The following ARMC1 variants were observed in gnomAD, a reference collection of about 807,000 sequenced individuals.
ARMC1 encodes the protein armadillo repeat containing 1, also known as armadillo repeat-containing protein 1.
ARMC1 carries 16 observed loss-of-function variants against 31.4 expected under a neutral mutation model. The ratio of observed to expected loss-of-function variants is 0.51; its 90% CI spans 0.34 to 0.77. The LOEUF is 0.77. Among genes scored for constraint, ARMC1 ranks in the 30% least tolerant of loss-of-function variants. The pLI is 0.01. For missense variants in ARMC1, 259 were observed against 347.5 expected (o/e 0.75, Z 2.02); for synonymous variants, 114 against 118.9 (o/e 0.96, Z 0.27).
intron 1 of ARMC1, chr8:65,632,844 T>C (rs977185874): frequency 3.9e-5 from 6 of 151,918 alleles, no homozygotes; most frequent in African/African-American, 1.5e-4. Context: ...AAATAAAAAA[T>C]AAAGACCATA....
intron 1 of ARMC1, among the ~76,000 whole-genome samples, chr8:65,629,204 C>T (rs975846609): frequency 7.3e-5 from 11 of 150,440 alleles, no homozygotes; most frequent in Admixed American, 6.0e-4. Flanking sequence ...TACACAATGA[C>T]ACAAATGGAA....
intron 3 of ARMC1, among the ~76,000 whole-genome samples, chr8:65,618,100 G>C (rs542646095): frequency 6.6e-6 from 1 of 152,094 alleles, no homozygotes; most frequent in Non-Finnish European, 1.5e-5. Context: ...ATTTTTAGCA[G>C]AGATGGGGTT....
chr8:65,612,573 C>A (rs1026734434), intron 4 of ARMC1, among the ~76,000 whole-genome samples: 20 of 151,952 alleles, frequency 1.3e-4, no homozygotes, highest in Non-Finnish European at 2.8e-4. Context: ...GCTCAAAGAA[C>A]ATGCTTTGGG....
At chr8:65,617,322 C>T (rs976424972) in intron 3 of ARMC1, among the ~76,000 whole-genome samples, 2 of 152,142 alleles carry the variant, frequency 1.3e-5, no homozygotes, top group Admixed American at 1.3e-4. Context: ...GACCTTACCC[C>T]CAACCTGGTG....
rs572145074 is a variant in ARMC1 at position 65,625,437 on chromosome 8, A to G, written c.183+1779T>C. 8.5e-5 allele frequency among the ~76,000 whole-genome samples: 13 copies of G among 152,238 alleles called. No individual in the cohort carries two copies. The East Asian group carries it at 2.1e-3, about 25-fold the overall frequency. ...CTCAACACTGCTGAACAACTTTATC[A>G]TTCTCCTCAGTTAGCAAATCTTTCC... is the stretch of plus-strand genomic sequence containing the variant. On this transcript the variant is annotated intron_variant, in intron 2 of 6. Transcript: ENST00000276569.
At chr8:65,611,864 C>G (rs1032626468) in intron 4 of ARMC1, among the ~76,000 whole-genome samples, 2 of 151,806 alleles carry the variant, frequency 1.3e-5, no homozygotes, top group Admixed American at 1.3e-4. Context: ...ACCTCCACCT[C>G]CTGGGTTCAA....
At chr8:65,613,491 A>G in intron 3 of ARMC1, 58 bp from the exon 4 acceptor site, 1 of 1,240,350 alleles carries the variant, frequency 8.1e-7, no homozygotes, top group Admixed American at 2.6e-5. Context: ...CTGTAATTTT[A>G]TTTCTCCACT....
Position 65,613,395 on chromosome 8 carries a change from T to A in ARMC1, c.314A>T (p.Glu105Val), listed in dbSNP as rs1169678057. ...GGAGGACTGAAGAATGTCATAGATTTCAGAGGCCAGAAGTTTTGTTTCTCC... is the reference window on the plus strand; with the variant it reads ...GGAGGACTGAAGAATGTCATAGATTACAGAGGCCAGAAGTTTTGTTTCTCC... Reference protein sequence around the residue: ...TPGETKLLASEIYDILQSSNM... With the variant: ...TPGETKLLASVIYDILQSSNM... The change falls in exon 4 of 7, where the codon GAA (glutamate) becomes GTA (valine). Residue 105 changes from glutamate (E) to valine (V), a missense_variant. Coordinates refer to ENST00000276569, the MANE Select transcript of ARMC1 (RefSeq NM_018120.6). The A allele has an allele frequency of 8.1e-6, 13 of 1,605,226 alleles. No individual in the cohort carries two copies. The highest frequency in any genetic ancestry group is 1.0e-5 in the Non-Finnish European group (12 of 1,176,764).
At chr8:65,629,150 A>G (rs796314744) in intron 1 of ARMC1, among the ~76,000 whole-genome samples, 8 of 150,020 alleles carry the variant, frequency 5.3e-5, no homozygotes, top group African/African-American at 1.7e-4. Flanking sequence ...GCGAGACTCC[A>G]TCTCAAAAAA....
intron 3 of ARMC1, among the ~76,000 whole-genome samples, chr8:65,617,177 GA>G (rs560718380): frequency 5.9e-4 from 90 of 152,378 alleles, no homozygotes; most frequent in African/African-American, 2.0e-3. Flanking sequence ...TTGTCGAATA[GA>G]AAAGGGGGAA....
intron 2 of ARMC1, among the ~76,000 whole-genome samples, chr8:65,624,391 A>G (rs1301189002): frequency 6.6e-6 from 1 of 150,962 alleles, no homozygotes; most frequent in Non-Finnish European, 1.5e-5. Flanking sequence ...CTCAGCTGCT[A>G]GGGAGGCTGA....
chr8:65,631,383 T>C (rs1563422421), intron 1 of ARMC1, among the ~76,000 whole-genome samples: 1 of 152,180 alleles, frequency 6.6e-6, no homozygotes, highest in Non-Finnish European at 1.5e-5. Context: ...TACAGGTGCC[T>C]GCCACCATGC....
chr8:65,613,712 A>T (rs11996845), intron 3 of ARMC1, among the ~76,000 whole-genome samples: 132,277 of 152,268 alleles, frequency 0.87, 57,932 homozygotes, highest in African/African-American at 0.97. Flanking sequence ...ATGCCTGTAA[A>T]CCCAGCACTT....
intron 3 of ARMC1, among the ~76,000 whole-genome samples, chr8:65,617,079 G>C (rs1321458478): frequency 1.3e-5 from 2 of 152,072 alleles, no homozygotes; most frequent in African/African-American, 4.8e-5. Flanking sequence ...CTTCTGGGAA[G>C]TGAGGAGCCC....
intron 1 of ARMC1, chr8:65,633,682 G>A (rs1482378361): frequency 6.6e-6 from 1 of 152,242 alleles, no homozygotes; most frequent in Admixed American, 6.5e-5. Context: ...GAGACACGCA[G>A]GTGCACAAAA....
intron 3 of ARMC1, among the ~76,000 whole-genome samples, chr8:65,614,501 CTCT>C (rs1249972292): frequency 2.0e-5 from 3 of 152,160 alleles, no homozygotes; most frequent in African/African-American, 4.8e-5. Flanking sequence ...AGTCTAATGG[CTCT>C]TATTAGTGGA....
intron 3 of ARMC1, among the ~76,000 whole-genome samples, chr8:65,618,463 A>G (rs1808323271): frequency 1.4e-5 from 2 of 147,278 alleles, no homozygotes; most frequent in Admixed American, 6.9e-5. Context: ...CAGAGCTTGC[A>G]GTGAGCCAAG....
chr8:65,621,810 G>A (rs1431816391), intron 3 of ARMC1, among the ~76,000 whole-genome samples: 4 of 152,102 alleles, frequency 2.6e-5, no homozygotes, highest in Non-Finnish European at 5.9e-5. Context: ...TGCCCAGCAT[G>A]TATGAAATAT....
rs191348118 is a variant in ARMC1, at chr8:65,603,328, G to A, written c.*1066C>T. ...TGCTGGCTTTATTTCTTCATAAGCA[G>A]TAATTTGGGTCTTTTTCATTCAACA... is the stretch of plus-strand genomic sequence containing the variant. On this transcript the variant is annotated 3_prime_UTR_variant, in exon 7 of 7. Coordinates refer to ENST00000276569, the MANE Select transcript of ARMC1 (RefSeq NM_018120.6). The A allele has an allele frequency of 1.3e-5, 2 of 152,268 alleles. No individual in the cohort carries two copies. Among genetic ancestry groups the A allele is most frequent in the African/African-American group, 4.8e-5 (2 of 41,550 alleles). The allele number at this position is 152,268 out of a possible 1,614,324, so 9.4% of individuals were successfully genotyped here. A position where few individuals can be genotyped will look rare whatever the true frequency, so the allele number is the denominator to read the frequency against.
Sources: gnomAD v4.1 joint callset for allele counts (sites outside exome capture counted in the v4.1 genomes callset) on GRCh38, gnomAD v4.1.1 for gene constraint, MANE v1.5 for transcripts, NCBI Gene and HGNC (gene_info 2026-07-23, HGNC 2026-07-21) for gene names.